The following HMBOX1 variants were observed in gnomAD, a reference collection of about 807,000 sequenced individuals.
HMBOX1 encodes the protein homeobox-containing protein 1.
In HMBOX1, 14 loss-of-function variants were observed where a neutral mutation model predicts 54.5. The ratio of observed to expected loss-of-function variants is 0.26; its 90% confidence interval spans 0.17 to 0.40. The LOEUF (loss-of-function observed/expected upper bound fraction) is 0.40, where lower values mean the gene tolerates loss of function less well. Among genes scored for constraint, HMBOX1 ranks in the 10% least tolerant of loss-of-function variants. The pLI, the probability that HMBOX1 is intolerant of heterozygous loss-of-function variation, is 1.00. For synonymous variants in HMBOX1, 160 were observed against 181.0 expected (o/e 0.88, Z 0.93); for missense variants, 332 against 514.4 (o/e 0.65, Z 3.43).
intron 1 of HMBOX1, among the ~76,000 whole-genome samples, chr8:28,949,307 A>T (rs1021342435): frequency 2.0e-5 from 3 of 151,966 alleles, no homozygotes; most frequent in Non-Finnish European, 2.9e-5. Flanking sequence ...ACCTTGGTGG[A>T]GGGGTGGGGC....
At chr8:28,932,767 C>T (rs1819677934) in intron 1 of HMBOX1, among the ~76,000 whole-genome samples, 1 of 152,184 alleles carries the variant, frequency 6.6e-6, no homozygotes, top group Non-Finnish European at 1.5e-5. Context: ...TGTGCTTCCT[C>T]AGGAGCTGCA....
chr8:28,916,136 CAG>C (rs1419363630), intron 1 of HMBOX1, among the ~76,000 whole-genome samples: 10 of 152,096 alleles, frequency 6.6e-5, no homozygotes, highest in Non-Finnish European at 1.3e-4. Context: ...CTGCAGTCAG[CAG>C]ATTTATGTGT....
In HMBOX1 at chr8:29,051,637, A is replaced by T. The variant is rs770718397; in HGVS notation, c.*482A>T. On this transcript the variant is annotated 3_prime_UTR_variant, in exon 10 of 10. Coordinates refer to ENST00000287701, the MANE Select transcript of HMBOX1 (RefSeq NM_001135726.3). ...TCCACAGAGTCAAAGGAACACTAGA[A>T]TCCCCACCTCAGCGTGAGGATAATT... 5 of 702,610 alleles carry T rather than the reference A, an allele frequency of 7.1e-6. No homozygotes were observed. Among genetic ancestry groups the T allele is most frequent in the Non-Finnish European group, 1.3e-5 (5 of 384,814 alleles). 43.5% of individuals were successfully genotyped at this position (702,610 alleles called of 1,614,324 possible).
chr8:28,919,995 G>T (rs1259517905), intron 1 of HMBOX1, among the ~76,000 whole-genome samples: 4 of 151,196 alleles, frequency 2.6e-5, no homozygotes. Flanking sequence ...GTGTGTGTGT[G>T]TGTGTGTTTT....
At chr8:29,009,846 A>G in intron 5 of HMBOX1, 1 of 1,206,740 alleles carries the variant, frequency 8.3e-7, no homozygotes, top group Non-Finnish European at 1.0e-6. Context: ...TGAAATCTGA[A>G]GTTATGGGAC....
At chr8:29,005,990 ATTT>A (rs775589443) in intron 4 of HMBOX1, among the ~76,000 whole-genome samples, 1 of 120,856 alleles carries the variant, frequency 8.3e-6, no homozygotes, top group African/African-American at 3.2e-5. Context: ...GATGCATTCT[ATTT>A]TTTTTTTTTT....
chr8:28,925,408 T>G lies in HMBOX1; in HGVS notation c.-58+34730T>G, dbSNP rs557325078. 9.8e-5 allele frequency among the ~76,000 whole-genome samples: 15 copies of G among 152,374 alleles called. No individual in the cohort carries two copies. The South Asian group carries it at 2.7e-3, about 27-fold the overall frequency. ...TCTTTAGTTCTAGTTTTGTTCTTTT[T>G]AAATGGCAGCCATGTAGTTATTGTT... On this transcript the variant is annotated intron_variant, in intron 1 of 9. Coordinates refer to ENST00000287701, the MANE Select transcript of HMBOX1 (RefSeq NM_001135726.3).
At chr8:29,000,170 T>C (rs1832427807) in intron 4 of HMBOX1, among the ~76,000 whole-genome samples, 1 of 152,204 alleles carries the variant, frequency 6.6e-6, no homozygotes. Context: ...TAGGTAAAAA[T>C]TTCCTCAAAT....
At chr8:29,020,834 G>T (rs1406768837) in intron 6 of HMBOX1, among the ~76,000 whole-genome samples, 1 of 152,034 alleles carries the variant, frequency 6.6e-6, no homozygotes, top group Non-Finnish European at 1.5e-5. Context: ...AAATACATAT[G>T]CATAGACTGT....
At chr8:28,918,576 T>A (rs1191138615) in intron 1 of HMBOX1, among the ~76,000 whole-genome samples, 1 of 152,232 alleles carries the variant, frequency 6.6e-6, no homozygotes, top group African/African-American at 2.4e-5. Flanking sequence ...TTTATGGACA[T>A]AGACTTGTTT....
intron 1 of HMBOX1, among the ~76,000 whole-genome samples, chr8:28,945,998 G>C (rs1404813032): frequency 6.7e-6 from 1 of 149,498 alleles, no homozygotes; most frequent in African/African-American, 2.5e-5. Flanking sequence ...TGTCACCCAG[G>C]CTGGAGTGCA....
intron 8 of HMBOX1, among the ~76,000 whole-genome samples, chr8:29,048,276 ACAT>A (rs1805904886): frequency 2.6e-5 from 4 of 152,206 alleles, no homozygotes; most frequent in Non-Finnish European, 5.9e-5. Context: ...ACATATCAAA[ACAT>A]CACCTTGTAC....
At chr8:28,935,228 A>G (rs12677956) in intron 1 of HMBOX1, among the ~76,000 whole-genome samples, 5 of 152,212 alleles carry the variant, frequency 3.3e-5, no homozygotes, top group South Asian at 2.1e-4. Context: ...CCCGATCTCA[A>G]TCAAATCCCT....
chr8:29,038,059 C>A (rs997463177), intron 6 of HMBOX1, among the ~76,000 whole-genome samples: 3 of 152,168 alleles, frequency 2.0e-5, no homozygotes, highest in African/African-American at 7.2e-5. Context: ...ATTTACATGG[C>A]ATTATCCCTT....
At chr8:28,973,812 T>TTTTTTTTTTTTTG (rs1563501704) in intron 3 of HMBOX1, among the ~76,000 whole-genome samples, 580 of 26,034 alleles carry the variant, frequency 0.022, 29 homozygotes, top group African/African-American at 0.052. Context: ...AGTTTTTTTT[T>TTTTTTTTTTTTTG]TTTTTTTTTT....
chr8:28,991,000 C>A (rs376190030), intron 4 of HMBOX1, among the ~76,000 whole-genome samples: 4 of 152,140 alleles, frequency 2.6e-5, no homozygotes, highest in Non-Finnish European at 4.4e-5. Flanking sequence ...ATCATAATAA[C>A]GTTGGCCTCA....
intron 1 of HMBOX1, among the ~76,000 whole-genome samples, chr8:28,910,267 G>T (rs182261925): frequency 6.6e-6 from 1 of 152,198 alleles, no homozygotes; most frequent in African/African-American, 2.4e-5. Flanking sequence ...TTTTATTGCT[G>T]AATAGCATTC....
At chr8:28,893,347 C>G (rs1811417352) in intron 1 of HMBOX1, among the ~76,000 whole-genome samples, 2 of 152,274 alleles carry the variant, frequency 1.3e-5, no homozygotes, top group South Asian at 4.1e-4. Context: ...GCTTGTCCAG[C>G]TTACAATTTC....
At chr8:28,916,809 A>G (rs542058266) in intron 1 of HMBOX1, among the ~76,000 whole-genome samples, 2 of 151,994 alleles carry the variant, frequency 1.3e-5, no homozygotes, top group South Asian at 4.2e-4. Context: ...CTTTCCATAC[A>G]GATATTAGAG....
Sources: allele counts gnomAD v4.1 joint callset (sites outside exome capture counted in the v4.1 genomes callset), GRCh38; gene constraint gnomAD v4.1.1; transcripts MANE v1.5; gene names NCBI Gene and HGNC (gene_info 2026-07-23, HGNC 2026-07-21).